Variants in ZNF606 observed in about 807,000 individuals in gnomAD.
The protein encoded by ZNF606 is zinc finger protein 606.
Under a neutral mutation model 74.9 loss-of-function variants are expected in ZNF606, and 37 were observed. That is an observed-to-expected ratio of 0.49 (90% confidence interval 0.38 to 0.65). The LOEUF (loss-of-function observed/expected upper bound fraction) is 0.65. Ranked by LOEUF, ZNF606 falls within the 30% of genes least tolerant of loss-of-function variation. The probability of loss-of-function intolerance (pLI) is 0.00; values close to 1 mark genes in which losing one functional copy is unlikely to be tolerated. For missense variants in ZNF606, 852 were observed against 952.9 expected, an observed-to-expected ratio of 0.89 and a Z score of 1.39; for synonymous variants, 328 against 312.4, an observed-to-expected ratio of 1.05 and a Z score of -0.53.
intron 4 of ZNF606, among the ~76,000 whole-genome samples, chr19:57,991,494 A>G (rs1395748130): frequency 6.6e-6 from 1 of 152,174 alleles, no homozygotes; most frequent in Non-Finnish European, 1.5e-5. Flanking sequence ...ATGGTAATGT[A>G]AGGTTTTTTT....
At chr19:57,999,984 C>T (rs1326456174) in intron 3 of ZNF606, 88 bp from the exon 4 acceptor site, 1 of 1,171,546 alleles carries the variant, frequency 8.5e-7, no homozygotes, top group Non-Finnish European at 1.2e-6. Context: ...AGCCCCTGCC[C>T]CTCCCCCTTG....
Position 58,002,500 on chromosome 19 carries a change from T to A in ZNF606, c.-156A>T, listed in dbSNP as rs2073451298. ...CCCGCGCCGAGGTCCGGCCCAGGAG[T>A]GCGCTTGGGAGCTCCCGGCGCGGCC... On this transcript the variant is annotated 5_prime_UTR_variant, in exon 1 of 7. Coordinates refer to ENST00000551380, the MANE Select transcript of ZNF606 (RefSeq NM_001348022.3). 1 of 446,566 alleles carries A rather than the reference T, an allele frequency of 2.2e-6. No individual in the cohort carries two copies. Among genetic ancestry groups the A allele is most frequent in the South Asian group, 1.6e-5 (1 of 63,708 alleles). 27.7% of individuals were successfully genotyped at this position (446,566 alleles called of 1,614,324 possible).
At chr19:57,980,606 C>T (rs533711312) in intron 6 of ZNF606, among the ~76,000 whole-genome samples, 10 of 152,202 alleles carry the variant, frequency 6.6e-5, no homozygotes, top group Non-Finnish European at 8.8e-5. Flanking sequence ...GAGGCCGAGG[C>T]GGGCGGATCA....
At chr19:57,984,857 G>T (rs2073140863) in intron 6 of ZNF606, among the ~76,000 whole-genome samples, 1 of 152,210 alleles carries the variant, frequency 6.6e-6, no homozygotes, top group Admixed American at 6.5e-5. Flanking sequence ...CACTTTGGGA[G>T]GCTGAGGCGG....
chr19:57,986,478 T>C (rs2073165434), intron 6 of ZNF606, among the ~76,000 whole-genome samples: 1 of 152,078 alleles, frequency 6.6e-6, no homozygotes, highest in African/African-American at 2.4e-5. Flanking sequence ...AATGCTAAAA[T>C]GAGTTCCTCA....
chr19:57,978,237 T>G lies in ZNF606; in HGVS notation c.*64A>C. The stretch of plus-strand genomic sequence containing the variant: ...TTAATGAAAAATGTCCCCTCTTGAT[T>G]ATGTTTATAGGGTTTTCCTCAATGT... On this transcript the variant is annotated 3_prime_UTR_variant, in exon 7 of 7. Coordinates refer to ENST00000551380, the MANE Select transcript of ZNF606 (RefSeq NM_001348022.3). This position sits in a 1 kb window ranked among gnomAD's most constrained non-coding sequence, Gnocchi z 4.4. 1 of 1,456,040 alleles carries G rather than the reference T, an allele frequency of 6.9e-7. No homozygotes were observed. Among genetic ancestry groups the G allele is most frequent in the South Asian group, 1.5e-5 (1 of 66,064 alleles). The allele number at this position is 1,456,040 out of a possible 1,614,324, so 90.2% of individuals were successfully genotyped here.
At chr19:57,982,037 T>C (rs1013881489) in intron 6 of ZNF606, among the ~76,000 whole-genome samples, 2 of 152,242 alleles carry the variant, frequency 1.3e-5, no homozygotes, top group African/African-American at 4.8e-5. Flanking sequence ...TTAGTTTCTT[T>C]CTGCTATTGT....
rs1443183024 is a variant in ZNF606 at position 57,979,569 on chromosome 19, C to T, written c.1111G>A (p.Ala371Thr). 4 of 1,613,058 alleles carry T rather than the reference C, an allele frequency of 2.5e-6. No homozygotes were observed. The highest frequency in any genetic ancestry group is 2.2e-5 in the East Asian group (1 of 44,860). The change falls in exon 7 of 7, where the codon GCG becomes ACG. Residue 371 changes from alanine (A) to threonine (T), a missense_variant. Physicochemically the swap from Ala to Thr is moderately conservative, Grantham distance 58 (BLOSUM62 0). Around this residue, in one of 3 missense-constraint regions of ZNF606, gnomAD observed 545 missense variants for 542.5 expected, o/e 1.00. Transcript: ENST00000551380. ...EHQKIGTVEK[A>T]YKYNEWEKVF... is the part of the protein sequence containing the mutation. ...TTCTCCCATTCATTGTATTTATACG[C>T]TTTCTCTACAGTACCAATTTTTTGA...
chr19:58,001,178 TAGAC>T lies in ZNF606; in HGVS notation c.31+107_31+110del, dbSNP rs945911115. The stretch of plus-strand genomic sequence containing the variant: ...AATCAGTTCTAATTTTGTACCAAGA[TAGAC>T]AGACCCCCTTCCATCCTCAAAAGTC... On this transcript the variant is annotated intron_variant, in intron 2 of 6. Transcript: ENST00000551380. The T allele has an allele frequency of 2.7e-4, 357 of 1,305,440 alleles. No individual in the cohort carries two copies. The African/African-American group carries it at 4.3e-3, about 16-fold the overall frequency. 80.9% of individuals were successfully genotyped at this position (1,305,440 alleles called of 1,614,324 possible).
Position 57,988,733 on chromosome 19 carries a change from C to A in ZNF606, c.178-12G>T. The A allele has an allele frequency of 1.9e-6, 3 of 1,614,028 alleles. No homozygotes were observed. Among genetic ancestry groups the A allele is most frequent in the Non-Finnish European group, 2.5e-6 (3 of 1,180,018 alleles). ...AAGGTCACTGGTTCCTAAAAGAACA[C>A]AAACGTTCCTTCTCAGCCTGTGACC... On this transcript the variant is annotated splice_polypyrimidine_tract_variant and intron_variant, in intron 4 of 6. Transcript: ENST00000551380.
rs780745480 is a variant in ZNF606 at position 57,988,608 on chromosome 19, G to A, written c.291C>T (p.His97=). 43 of 1,613,616 alleles carry A rather than the reference G, an allele frequency of 2.7e-5. No individual in the cohort carries two copies. The South Asian group carries it at 4.4e-4, about 16-fold the overall frequency. ...CACCTGCCTTACCCACAGAGAGCAG[G>A]TGACCATAGGTCTCCAGCATCACAT... The part of the protein sequence containing the change: ...YRDVMLETYG[H]LLSVGNQIAK... Residue 97 remains histidine (H), a synonymous_variant, in exon 5 of 7, where the codon CAC becomes CAT. Coordinates refer to ENST00000551380, the MANE Select transcript of ZNF606 (RefSeq NM_001348022.3).
At position 57,979,828 on chromosome 19, in the gene ZNF606, A is replaced by C. The variant is rs145161995; in HGVS notation, c.852T>G (p.Thr284=). The C allele has an allele frequency of 4.3e-5, 69 of 1,613,506 alleles. No homozygotes were observed. The African/African-American group carries it at 7.5e-4, about 17-fold the overall frequency. ...IQPIYPARIQ[T]GDNLFKCTDA... is the part of the protein sequence containing the mutation. Reference sequence around the variant, plus strand: ...CAGTACATTTGAAAAGATTATCTCCAGTTTGTATTCTTGCAGGGTAAATAG... The same window carrying C: ...CAGTACATTTGAAAAGATTATCTCCCGTTTGTATTCTTGCAGGGTAAATAG... Residue 284 remains threonine (T), a synonymous_variant, in exon 7 of 7, where the codon ACT becomes ACG. Coordinates refer to ENST00000551380, the MANE Select transcript of ZNF606 (RefSeq NM_001348022.3).
At position 57,979,555 on chromosome 19, in the gene ZNF606, A is replaced by G. The variant is rs1243245723; in HGVS notation, c.1125T>C (p.Asn375=). ...IGTVEKAYKY[N]EWEKVFGYDS... ...CATACCCAAAGACTTTCTCCCATTC[A>G]TTGTATTTATACGCTTTCTCTACAG... The change falls in exon 7 of 7, where the codon AAT becomes AAC. Residue 375 remains asparagine, a synonymous_variant. Coordinates refer to ENST00000551380, the MANE Select transcript of ZNF606 (RefSeq NM_001348022.3). The G allele has an allele frequency of 7.3e-5, 118 of 1,612,938 alleles. No individual in the cohort carries two copies. Among genetic ancestry groups the G allele is most frequent in the Non-Finnish European group, 9.7e-5 (114 of 1,179,512 alleles).
chr19:57,977,715 A>AT lies in ZNF606; in HGVS notation c.*585dup, dbSNP rs1475359062. 1 of 152,114 alleles carries AT rather than the reference A, an allele frequency of 6.6e-6. No homozygotes were observed. Among genetic ancestry groups the AT allele is most frequent in the Non-Finnish European group, 1.5e-5 (1 of 68,040 alleles). The allele number at this position is 152,114 out of a possible 1,614,324, so 9.4% of individuals were successfully genotyped here. ...CTACCGTTAGTCATCTCATTCATTAATTTTCTCTAAGGAGGTTAATCAACA... is the reference window on the plus strand; with the variant it reads ...CTACCGTTAGTCATCTCATTCATTAATTTTTCTCTAAGGAGGTTAATCAACA... On this transcript the variant is annotated 3_prime_UTR_variant, in exon 7 of 7. Coordinates refer to ENST00000551380, the MANE Select transcript of ZNF606 (RefSeq NM_001348022.3).
intron 4 of ZNF606, among the ~76,000 whole-genome samples, chr19:57,989,620 T>C (rs927831306): frequency 6.6e-5 from 10 of 151,920 alleles, no homozygotes; most frequent in African/African-American, 2.4e-4. Context: ...CTAATTTTTG[T>C]ATTTTTAGTA....
chr19:57,983,126 C>T (rs1165599196), intron 6 of ZNF606, among the ~76,000 whole-genome samples: 3 of 152,144 alleles, frequency 2.0e-5, no homozygotes, highest in Non-Finnish European at 4.4e-5. Context: ...AACTGAAAGA[C>T]CAAATGAACA....
At chr19:58,001,977 C>A (rs1164577640) in intron 1 of ZNF606, 1 of 353,560 alleles carries the variant, frequency 2.8e-6, no homozygotes, top group South Asian at 2.1e-5. Flanking sequence ...GCCTGGCGCC[C>A]AGACCCCTAA....
At chr19:57,988,375 A>G (rs2073197529) in intron 5 of ZNF606, 73 bp from the exon 6 acceptor site, 1 of 1,492,540 alleles carries the variant, frequency 6.7e-7, no homozygotes, top group Admixed American at 1.8e-5. Flanking sequence ...TCTCTTGCCT[A>G]TTCCTCCCTG....
Position 57,999,834 on chromosome 19 carries a change from TG to T in ZNF606, c.150del (p.Thr51LeufsTer12). The T allele has an allele frequency of 1.2e-6, 2 of 1,614,016 alleles. No homozygotes were observed. The highest frequency in any genetic ancestry group is 1.7e-6 in the Non-Finnish European group (2 of 1,180,008). On this transcript the variant is annotated frameshift_variant, in exon 4 of 7. Transcript: ENST00000551380. LOFTEE classifies it high-confidence loss of function. ...VEGSLEEGRR[A>X]TGLPAAQVQE... ...TGAACCTGGGCTGCTGGGAGCCCAGTGGCCCTCCTCCCCTCCTCCAGGCTTC... is the reference window on the plus strand; with the variant it reads ...TGAACCTGGGCTGCTGGGAGCCCAGTGCCCTCCTCCCCTCCTCCAGGCTTC...
Sources: gnomAD v4.1 joint callset for allele counts (sites outside exome capture counted in the v4.1 genomes callset) on GRCh38, gnomAD v4.1.1 for gene constraint, gnomAD v4.1.1 regional missense constraint, Gnocchi (gnomAD v3.1) non-coding constraint, MANE v1.5 for transcripts, NCBI Gene and HGNC (gene_info 2026-07-23, HGNC 2026-07-21) for gene names.